Variants in AGO3 observed in about 807,000 individuals in gnomAD.
The protein encoded by AGO3 is argonaute RISC catalytic component 3.
AGO3 carries 16 observed loss-of-function variants against 105.5 expected under a neutral mutation model. The ratio of observed to expected loss-of-function variants is 0.15; its 90% CI spans 0.10 to 0.23. The LOEUF (loss-of-function observed/expected upper bound fraction) is 0.23, where lower values mean the gene tolerates loss of function less well. Among genes scored for constraint, AGO3 ranks in the 10% least tolerant of loss-of-function variants. The pLI, the probability that AGO3 is intolerant of heterozygous loss-of-function variation, is 1.00. For synonymous variants in AGO3, 340 were observed against 367.3 expected (o/e 0.93, Z 0.85); for missense variants, 534 against 1,088.0 (o/e 0.49, Z 7.16).
In AGO3 at chr1:36,056,745, C is replaced by CT. The variant is rs869311363; in HGVS notation, c.*1012dup. 5.0e-3 allele frequency: 705 copies of CT among 141,528 alleles called. 5 individuals carry two copies. Among genetic ancestry groups the CT allele is most frequent in the African/African-American group, 0.015 (571 of 39,014 alleles). The allele number at this position is 141,528 out of a possible 1,614,324, so 8.8% of individuals were successfully genotyped here. A position where few individuals can be genotyped will look rare whatever the true frequency, so the allele number is the denominator to read the frequency against. On this transcript the variant is annotated 3_prime_UTR_variant, in exon 19 of 19. Transcript: ENST00000373191. ...TTTCTTTTTTCTTTTTCTTTTCTTT[C>CT]TTTTTTTTTTTTAATGAGACAGAGC...
At chr1:35,999,187 A>T (rs1639974102) in intron 5 of AGO3, among the ~76,000 whole-genome samples, 1 of 152,140 alleles carries the variant, frequency 6.6e-6, no homozygotes, top group African/African-American at 2.4e-5. Flanking sequence ...CTCCGTCTCT[A>T]CTAAAAATAC....
intron 2 of AGO3, among the ~76,000 whole-genome samples, chr1:35,963,636 G>A (rs543322731): frequency 1.1e-4 from 17 of 151,750 alleles, no homozygotes; most frequent in African/African-American, 4.1e-4. Flanking sequence ...TGGGGCTTGG[G>A]AAATTATTTA....
At chr1:36,032,621 C>T (rs1234732769) in intron 12 of AGO3, among the ~76,000 whole-genome samples, 1 of 152,172 alleles carries the variant, frequency 6.6e-6, no homozygotes, top group Non-Finnish European at 1.5e-5. Flanking sequence ...TGGGCTCAAG[C>T]AATCCGCCTC....
chr1:36,016,800 T>C (rs1189251699), intron 11 of AGO3, among the ~76,000 whole-genome samples: 3 of 152,160 alleles, frequency 2.0e-5, no homozygotes, highest in African/African-American at 7.2e-5. Context: ...CAAAACCTGG[T>C]CTATTTTAGG....
chr1:35,982,061 A>G (rs1469667715), intron 5 of AGO3, among the ~76,000 whole-genome samples: 3 of 152,194 alleles, frequency 2.0e-5, no homozygotes, highest in Non-Finnish European at 4.4e-5. Context: ...TAGGAGAAAG[A>G]TGGGAAAATT....
chr1:35,996,836 C>G (rs184651302), intron 5 of AGO3, among the ~76,000 whole-genome samples: 16 of 151,632 alleles, frequency 1.1e-4, no homozygotes, highest in African/African-American at 3.9e-4. Flanking sequence ...ACATCGTTGG[C>G]CGTTCAGGAA....
At chr1:36,044,705 G>A (rs1236875220) in intron 17 of AGO3, among the ~76,000 whole-genome samples, 1 of 152,180 alleles carries the variant, frequency 6.6e-6, no homozygotes, top group Non-Finnish European at 1.5e-5. Context: ...GCCTCCCAAA[G>A]TGCGGGGATT....
intron 11 of AGO3, among the ~76,000 whole-genome samples, chr1:36,025,310 T>G (rs1641451044): frequency 6.6e-6 from 1 of 152,076 alleles, no homozygotes; most frequent in African/African-American, 2.4e-5. Flanking sequence ...TTAATGTATT[T>G]TTTTCCTCCA....
At chr1:35,949,117 A>G (rs944133998) in intron 2 of AGO3, among the ~76,000 whole-genome samples, 2 of 151,824 alleles carry the variant, frequency 1.3e-5, no homozygotes, top group Non-Finnish European at 2.9e-5. Flanking sequence ...CTAATTTTGT[A>G]TTATTAGTAG....
chr1:35,971,246 G>C (rs1646865186), intron 3 of AGO3, among the ~76,000 whole-genome samples: 1 of 149,292 alleles, frequency 6.7e-6, no homozygotes, highest in Non-Finnish European at 1.5e-5. Context: ...TGCACCCTCT[G>C]CCTCCTGAGT....
chr1:35,937,749 G>A (rs1352548123), intron 1 of AGO3, among the ~76,000 whole-genome samples: 1 of 152,106 alleles, frequency 6.6e-6, no homozygotes, highest in Non-Finnish European at 1.5e-5. Context: ...TCAACTGGCT[G>A]GATGTTCTAT....
At position 36,068,500 on chromosome 1, in the gene AGO3, A is replaced by AAAAT. The variant is rs567729844; in HGVS notation, c.*12770_*12773dup. On this transcript the variant is annotated 3_prime_UTR_variant, in exon 19 of 19. Coordinates refer to ENST00000373191, the MANE Select transcript of AGO3 (RefSeq NM_024852.4). Reference sequence around the variant, plus strand: ...GCAATACAGCAAGACCCCAATCTTTAAAATAAATAAATAAATAAGAATTAT... The same window carrying AAAAT: ...GCAATACAGCAAGACCCCAATCTTTAAAATAAATAAATAAATAAATAAGAATTAT... 1 of 152,184 alleles carries AAAAT rather than the reference A, an allele frequency of 6.6e-6. No individual in the cohort carries two copies. Among genetic ancestry groups the AAAAT allele is most frequent in the African/African-American group, 2.4e-5 (1 of 41,446 alleles). 9.4% of individuals were successfully genotyped at this position (152,184 alleles called of 1,614,324 possible). A position where few individuals can be genotyped will look rare whatever the true frequency, so the allele number is the denominator to read the frequency against.
intron 14 of AGO3, among the ~76,000 whole-genome samples, chr1:36,038,289 C>G (rs2148847411): frequency 7.5e-6 from 1 of 132,652 alleles, no homozygotes; most frequent in African/African-American, 2.8e-5. Flanking sequence ...GAGCCTCGCT[C>G]TGTAGCTCAC....
chr1:36,006,003 G>A (rs1482195938), intron 6 of AGO3: 1 of 696,546 alleles, frequency 1.4e-6, no homozygotes, highest in Non-Finnish European at 1.8e-6. Context: ...CTAGATTTTG[G>A]TCTAATTCTT....
chr1:35,973,228 C>T, intron 4 of AGO3, 147 bp from the exon 5 acceptor site: 1 of 901,022 alleles, frequency 1.1e-6, no homozygotes, highest in Non-Finnish European at 1.5e-6. Flanking sequence ...ATACTTTTTG[C>T]TTTCTCAAAT....
chr1:35,974,251 T>C (rs575478717), intron 5 of AGO3, among the ~76,000 whole-genome samples: 2 of 152,284 alleles, frequency 1.3e-5, no homozygotes, highest in Admixed American at 1.3e-4. Context: ...GTCTGAAATA[T>C]GCCTTTTTCT....
At chr1:36,033,695 G>A (rs926968567) in intron 12 of AGO3, among the ~76,000 whole-genome samples, 2 of 151,840 alleles carry the variant, frequency 1.3e-5, no homozygotes, top group Non-Finnish European at 2.9e-5. Context: ...GGTTATAATG[G>A]CAGAGGAGAG....
In AGO3 at chr1:36,053,745, A is replaced by ATTTTTTT. The variant is rs71034711; in HGVS notation, c.2275-1183_2275-1177dup. Among the ~76,000 whole-genome samples the ATTTTTTT allele has an allele frequency of 1.2e-4, 10 of 81,294 alleles. 1 individual carries two copies. The highest frequency in any genetic ancestry group is 3.8e-4 in the African/African-American group (8 of 20,936). The allele number at this position is 81,294 out of a possible 152,430, so 53.3% of individuals were successfully genotyped here. A position where few individuals can be genotyped will look rare whatever the true frequency, so the allele number is the denominator to read the frequency against. On this transcript the variant is annotated intron_variant, in intron 17 of 18. Coordinates refer to ENST00000373191, the MANE Select transcript of AGO3 (RefSeq NM_024852.4). ...AGGTCCACACCACCACACCTGGCTA[A>ATTTTTTT]TTTTTTTTTTTTTTTTTTTTTTTTG...
chr1:35,988,914 A>C (rs1289025293), intron 5 of AGO3, among the ~76,000 whole-genome samples: 2 of 152,234 alleles, frequency 1.3e-5, no homozygotes, highest in Non-Finnish European at 2.9e-5. Flanking sequence ...TGCTATGAAA[A>C]ATAATGAGAA....
Sources: allele counts gnomAD v4.1 joint callset (sites outside exome capture counted in the v4.1 genomes callset), GRCh38; gene constraint gnomAD v4.1.1; transcripts MANE v1.5; gene names NCBI Gene and HGNC (gene_info 2026-07-23, HGNC 2026-07-21).